The following DISC1 variants were observed in gnomAD, a reference collection of about 807,000 sequenced individuals.
DISC1 encodes disrupted in schizophrenia 1 protein.
A neutral mutation model predicts 84.5 loss-of-function variants in DISC1; 57 were observed. The ratio of observed to expected loss-of-function variants is 0.67; its 90% confidence interval spans 0.55 to 0.84. DISC1 has a LOEUF of 0.84. Among genes scored for constraint, DISC1 ranks in the 40% least tolerant of loss-of-function variants. The pLI is 0.00. For missense variants in DISC1, 1,000 were observed against 1,057.8 expected, an observed-to-expected ratio of 0.95 and a Z score of 0.76; for synonymous variants, 411 against 415.2, an observed-to-expected ratio of 0.99 and a Z score of 0.12.
intron 3 of DISC1, among the ~76,000 whole-genome samples, chr1:231,735,887 A>G (rs2072422593): frequency 6.6e-6 from 1 of 152,110 alleles, no homozygotes; most frequent in South Asian, 2.1e-4. Context: ...ATATCGGCTC[A>G]CTGCAACCTC....
chr1:231,704,528 G>A (rs557925792), intron 3 of DISC1, among the ~76,000 whole-genome samples: 1 of 152,036 alleles, frequency 6.6e-6, no homozygotes, highest in Non-Finnish European at 1.5e-5. Flanking sequence ...AGTCCGAGGC[G>A]GGTGGATCAC....
chr1:231,723,498 C>G, intron 3 of DISC1: 8 of 985,514 alleles, frequency 8.1e-6, no homozygotes, highest in Non-Finnish European at 9.6e-6. Flanking sequence ...GTTATTCTTT[C>G]TGTGCAGTCC....
At chr1:231,719,827 C>T (rs1174691061) in intron 3 of DISC1, among the ~76,000 whole-genome samples, 1 of 152,048 alleles carries the variant, frequency 6.6e-6, no homozygotes, top group Non-Finnish European at 1.5e-5. Context: ...TAGAGAGAAA[C>T]CAAAAAGCTC....
chr1:231,688,617 C>T, intron 1 of DISC1, among the ~76,000 whole-genome samples: 1 of 151,162 alleles, frequency 6.6e-6, no homozygotes, highest in Non-Finnish European at 1.5e-5. Flanking sequence ...CTGAGCTAAC[C>T]AGGTTCCTCC....
chr1:231,723,345 T>C lies in DISC1; in HGVS notation c.1117+21321T>C, dbSNP rs199956282. On this transcript the variant is annotated intron_variant, in intron 3 of 12. Coordinates refer to ENST00000439617, the MANE Select transcript of DISC1 (RefSeq NM_018662.3). ...GCAGAACATCTGGGCAGGAAGCTCC[T>C]GCAGGAAGACCTGTAAACTCAGGTC... 1.7e-4 allele frequency: 169 copies of C among 985,856 alleles called. No homozygotes were observed. The South Asian group carries it at 3.0e-3, about 17-fold the overall frequency. 61.1% of individuals were successfully genotyped at this position (985,856 alleles called of 1,614,324 possible).
chr1:232,026,669 T>C, intron 12 of DISC1, 117 bp downstream of exon 12: 1 of 732,186 alleles, frequency 1.4e-6, no homozygotes, highest in Non-Finnish European at 2.4e-6. Flanking sequence ...CCGTTATTTA[T>C]AGCACAGAGC....
intron 9 of DISC1, among the ~76,000 whole-genome samples, chr1:231,927,778 G>A (rs545937166): frequency 1.3e-5 from 2 of 152,200 alleles, no homozygotes; most frequent in Admixed American, 6.5e-5. Flanking sequence ...AGGAGCCCAC[G>A]AACTAGTTTC....
intron 1 of DISC1, among the ~76,000 whole-genome samples, chr1:231,642,203 C>T (rs1388991914): frequency 1.3e-5 from 2 of 152,168 alleles, no homozygotes; most frequent in Non-Finnish European, 2.9e-5. Context: ...ACTCCGAGTG[C>T]GGACCCGCGG....
At chr1:231,638,443 T>G (rs2059369228) in intron 1 of DISC1, among the ~76,000 whole-genome samples, 1 of 152,168 alleles carries the variant, frequency 6.6e-6, no homozygotes, top group Non-Finnish European at 1.5e-5. Flanking sequence ...TTTCCCTCAG[T>G]TTTCTTCTAG....
Position 232,027,606 on chromosome 1 carries a change from T to C in DISC1, c.2425+1054T>C, listed in dbSNP as rs544896505. 1.4e-4 allele frequency among the ~76,000 whole-genome samples: 22 copies of C among 152,350 alleles called. No homozygotes were observed. The South Asian group carries it at 4.3e-3, about 30-fold the overall frequency. ...GTGGATGAAGGGATATGCAGCCCTATATCCTTTCAGTTATTTAATCACAAG... is the reference window on the plus strand; with the variant it reads ...GTGGATGAAGGGATATGCAGCCCTACATCCTTTCAGTTATTTAATCACAAG... On this transcript the variant is annotated intron_variant, in intron 12 of 12. Transcript: ENST00000439617.
At chr1:232,013,047 A>G (rs821632) in intron 11 of DISC1, among the ~76,000 whole-genome samples, 41,866 of 152,078 alleles carry the variant, frequency 0.28, 6,224 homozygotes, top group Middle Eastern at 0.34. Flanking sequence ...TGGGGGCCAG[A>G]CAGGAGCCAG....
At chr1:231,662,196 T>C (rs1358449132) in intron 1 of DISC1, among the ~76,000 whole-genome samples, 1 of 152,212 alleles carries the variant, frequency 6.6e-6, no homozygotes, top group Non-Finnish European at 1.5e-5. Context: ...TGGAGACCCC[T>C]GTTTGGAGGT....
intron 9 of DISC1, among the ~76,000 whole-genome samples, chr1:231,885,516 G>A (rs1016447308): frequency 1.3e-5 from 2 of 152,282 alleles, no homozygotes; most frequent in Non-Finnish European, 2.9e-5. Context: ...TAGCCTGTTC[G>A]AAGCAACCCA....
At position 231,675,397 on chromosome 1, in the gene DISC1, A is replaced by G. The variant is rs906782068; in HGVS notation, c.68-18429A>G. On this transcript the variant is annotated intron_variant, in intron 1 of 12. Transcript: ENST00000439617. This position sits in a 1 kb window ranked among gnomAD's most constrained non-coding sequence, Gnocchi z 4.1. ...TTGCCTTTGTGGTGGTTAACACTCAACCTCAGAGACAAAGATCTAAGCAGG... is the reference window on the plus strand; with the variant it reads ...TTGCCTTTGTGGTGGTTAACACTCAGCCTCAGAGACAAAGATCTAAGCAGG... 4.6e-5 allele frequency among the ~76,000 whole-genome samples: 7 copies of G among 151,870 alleles called. No individual in the cohort carries two copies. Among genetic ancestry groups the G allele is most frequent in the African/African-American group, 1.5e-4 (6 of 41,340 alleles).
intron 6 of DISC1, among the ~76,000 whole-genome samples, chr1:231,778,427 T>G (rs2077126760): frequency 1.3e-5 from 2 of 152,154 alleles, no homozygotes; most frequent in African/African-American, 4.8e-5. Context: ...TCCTAGGAGC[T>G]CTATGTTAAG....
intron 6 of DISC1, among the ~76,000 whole-genome samples, chr1:231,781,817 G>A (rs2077452791): frequency 6.6e-6 from 1 of 152,166 alleles, no homozygotes; most frequent in African/African-American, 2.4e-5. Flanking sequence ...CTGAAACTCT[G>A]GGAGAAGAGC....
chr1:231,710,395 ATG>A (rs2067666329), intron 3 of DISC1, among the ~76,000 whole-genome samples: 1 of 152,152 alleles, frequency 6.6e-6, no homozygotes, highest in Non-Finnish European at 1.5e-5. Context: ...AATGAAAAGG[ATG>A]TGCTAATGAT....
At chr1:231,641,900 G>A (rs915025211) in intron 1 of DISC1, among the ~76,000 whole-genome samples, 13 of 152,218 alleles carry the variant, frequency 8.5e-5, no homozygotes, top group Non-Finnish European at 1.9e-4. Context: ...AGTGGATCCC[G>A]CACCGGGGCT....
intron 9 of DISC1, among the ~76,000 whole-genome samples, chr1:231,914,678 G>A (rs1255077956): frequency 1.3e-5 from 2 of 152,190 alleles, no homozygotes; most frequent in Admixed American, 1.3e-4. Context: ...ACAGGGACAC[G>A]AGCAAATGCT....
Sources: allele counts gnomAD v4.1 joint callset (sites outside exome capture counted in the v4.1 genomes callset), GRCh38; gene constraint gnomAD v4.1.1; non-coding constraint Gnocchi (gnomAD v3.1); transcripts MANE v1.5; gene names NCBI Gene and HGNC (gene_info 2026-07-23, HGNC 2026-07-21).